The following CEPT1 variants were observed in gnomAD, a reference collection of about 807,000 sequenced individuals.
The protein encoded by CEPT1 is choline/ethanolamine phosphotransferase 1.
Under a neutral mutation model 42.6 loss-of-function variants are expected in CEPT1, and 7 were observed. That is an observed-to-expected ratio of 0.16 (90% CI 0.09 to 0.31). The LOEUF is 0.31. Among genes scored for constraint, CEPT1 ranks in the 10% least tolerant of loss-of-function variants. The pLI is 1.00. For synonymous variants in CEPT1, 171 were observed against 171.9 expected (o/e 0.99, Z 0.04); for missense variants, 306 against 502.1 (o/e 0.61, Z 3.73).
intron 2 of CEPT1, among the ~76,000 whole-genome samples, chr1:111,157,943 T>C (rs1655656498): frequency 6.6e-6 from 1 of 152,226 alleles, no homozygotes. Flanking sequence ...ATAAAAAGTA[T>C]TTTATAGCCT....
rs987574610 is a variant in CEPT1, at chr1:111,184,759, C to T, written c.*449C>T. 1 of 152,108 alleles carries T rather than the reference C, an allele frequency of 6.6e-6. No individual in the cohort carries two copies. The highest frequency in any genetic ancestry group is 2.4e-5 in the African/African-American group (1 of 41,248). 9.4% of individuals were successfully genotyped at this position (152,108 alleles called of 1,614,324 possible). ...AGGAATTCAGCTTGTGACACAGATA[C>T]ATCCCACTAGCTTGTGAGGTGGAAC... On this transcript the variant is annotated 3_prime_UTR_variant, in exon 9 of 9. Coordinates refer to ENST00000357172, the MANE Select transcript of CEPT1 (RefSeq NM_006090.5).
chr1:111,148,203 C>G (rs1256333597), intron 2 of CEPT1, 150 bp downstream of exon 2: 2 of 649,268 alleles, frequency 3.1e-6, no homozygotes, highest in Non-Finnish European at 5.3e-6. Flanking sequence ...CTTGTAAGTA[C>G]AGCCTACACA....
chr1:111,143,437 T>A (rs1654776920), intron 1 of CEPT1: 1 of 152,224 alleles, frequency 6.6e-6, no homozygotes, highest in Non-Finnish European at 1.5e-5. Flanking sequence ...GTAATTTTTT[T>A]ATTTGCTTGT....
chr1:111,182,713 G>C, intron 6 of CEPT1, 86 bp from the exon 7 acceptor site: 1 of 1,268,674 alleles, frequency 7.9e-7, no homozygotes, highest in Non-Finnish European at 1.1e-6. Context: ...GAAAGTTTGA[G>C]TTGAACTGTG....
At chr1:111,160,974 A>T (rs1655841246) in intron 3 of CEPT1, 181 bp from the exon 4 acceptor site, 8 of 569,514 alleles carry the variant, frequency 1.4e-5, no homozygotes, top group East Asian at 3.2e-5. Context: ...AAAAAAAGAG[A>T]GATTGAAATT....
chr1:111,167,505 G>T (rs1201860300), intron 4 of CEPT1: 2 of 875,104 alleles, frequency 2.3e-6, no homozygotes, highest in East Asian at 1.2e-4. Flanking sequence ...CCAGTAAATA[G>T]AATTTTTTTT....
chr1:111,167,195 C>G, intron 4 of CEPT1: 1 of 985,070 alleles, frequency 1.0e-6, no homozygotes, highest in Non-Finnish European at 1.2e-6. Context: ...TTCACGGTAA[C>G]TGCTAGAATA....
chr1:111,161,025 C>T lies in CEPT1; in HGVS notation c.488-130C>T. 3.5e-6 allele frequency: 3 copies of T among 868,014 alleles called. No homozygotes were observed. In the South Asian group the frequency reaches 4.4e-5, roughly 13 times the overall value. 53.8% of individuals were successfully genotyped at this position (868,014 alleles called of 1,614,324 possible). On this transcript the variant is annotated intron_variant, in intron 3 of 8. Coordinates refer to ENST00000357172, the MANE Select transcript of CEPT1 (RefSeq NM_006090.5). ...ATGTAACAGATTATATCCTACTTTT[C>T]TGTTACAATAGATAACTGAGAGAAG...
chr1:111,149,350 C>T (rs565827350), intron 2 of CEPT1, among the ~76,000 whole-genome samples: 12 of 150,132 alleles, frequency 8.0e-5, no homozygotes, highest in South Asian at 2.1e-4. Flanking sequence ...GCAATTTCCA[C>T]CTCCAGGGTT....
intron 1 of CEPT1, among the ~76,000 whole-genome samples, chr1:111,142,222 A>G (rs535456581): frequency 8.5e-5 from 13 of 152,214 alleles, no homozygotes; most frequent in African/African-American, 2.9e-4. Flanking sequence ...TACTTTTTCT[A>G]CCTTTGTTGG....
intron 2 of CEPT1, among the ~76,000 whole-genome samples, chr1:111,151,434 T>C (rs1027515226): frequency 6.6e-6 from 1 of 152,352 alleles, no homozygotes; most frequent in East Asian, 1.9e-4. Context: ...CTTGGTATTA[T>C]ACATTTTAGA....
Position 111,164,722 on chromosome 1 carries a change from C to G in CEPT1, c.629+3426C>G, listed in dbSNP as rs563887201. ...CACTGCAACCTCCGCCTCCCGGGTT[C>G]AAGCAATTCTGCCTCAGCCTCCCGA... On this transcript the variant is annotated intron_variant, in intron 4 of 8. Transcript: ENST00000357172. Among the ~76,000 whole-genome samples the G allele has an allele frequency of 1.6e-4, 24 of 152,090 alleles. No homozygotes were observed. In the East Asian group the frequency reaches 4.3e-3, roughly 27 times the overall value.
At chr1:111,158,699 A>G (rs964761519) in intron 2 of CEPT1, among the ~76,000 whole-genome samples, 2 of 152,138 alleles carry the variant, frequency 1.3e-5, no homozygotes, top group African/African-American at 4.8e-5. Flanking sequence ...TGAGGTTAGC[A>G]TGGAATTTTT....
At position 111,182,403 on chromosome 1, in the gene CEPT1, A is replaced by C. The variant is rs1657036400; in HGVS notation, c.846+85A>C. 2.0e-5 allele frequency: 27 copies of C among 1,375,770 alleles called. No homozygotes were observed. The South Asian group carries it at 2.7e-4, about 14-fold the overall frequency. The allele number at this position is 1,375,770 out of a possible 1,614,324, so 85.2% of individuals were successfully genotyped here. On this transcript the variant is annotated intron_variant, in intron 6 of 8. Transcript: ENST00000357172. Reference sequence around the variant, plus strand: ...TTTGTTTTTTATTTCAAATGTATAAAATCATTTGTTAATTTATAATTTATA... The same window carrying C: ...TTTGTTTTTTATTTCAAATGTATAACATCATTTGTTAATTTATAATTTATA...
intron 2 of CEPT1, among the ~76,000 whole-genome samples, chr1:111,149,091 T>A (rs564795271): frequency 2.0e-5 from 3 of 152,154 alleles, no homozygotes; most frequent in Non-Finnish European, 4.4e-5. Flanking sequence ...TTTGTCTGTT[T>A]CCATAGGTTA....
intron 3 of CEPT1, chr1:111,160,785 C>T (rs1041282508): frequency 8.8e-5 from 16 of 181,804 alleles, no homozygotes; most frequent in African/African-American, 3.3e-4. Context: ...GCAAGTAAGT[C>T]GGTCCGTCTG....
Position 111,147,972 on chromosome 1 carries a change from T to C in CEPT1, c.258T>C (p.Asn86=), listed in dbSNP as rs1655065078. ...GAGTTCCCTCCTGGATTGCCCCAAA[T>C]CTCATCACCATCATTGGACTGTCAA... ...VRRVPSWIAP[N]LITIIGLSIN... is the part of the protein sequence containing the mutation. Residue 86 remains asparagine, a synonymous_variant, in exon 2 of 9, where the codon AAT becomes AAC. Transcript: ENST00000357172. 1.2e-6 allele frequency: 2 copies of C among 1,614,032 alleles called. No homozygotes were observed. The highest frequency in any genetic ancestry group is 2.7e-5 in the African/African-American group (2 of 74,912).
rs1005537053 is a variant in CEPT1, at chr1:111,173,521, C to G, written c.630-1358C>G. 4.6e-5 allele frequency among the ~76,000 whole-genome samples: 7 copies of G among 152,130 alleles called. No homozygotes were observed. In the East Asian group the frequency reaches 1.2e-3, roughly 25 times the overall value. On this transcript the variant is annotated intron_variant, in intron 4 of 8. Coordinates refer to ENST00000357172, the MANE Select transcript of CEPT1 (RefSeq NM_006090.5). ...TATTTTTAGAAATGGAGGCTCTGTT[C>G]TGTTCTGGGAATTGAATCCCTTTGC...
At chr1:111,142,464 A>G (rs1015233839) in intron 1 of CEPT1, among the ~76,000 whole-genome samples, 2 of 152,142 alleles carry the variant, frequency 1.3e-5, no homozygotes, top group African/African-American at 4.8e-5. Flanking sequence ...TAAATACTAG[A>G]CGAATAATAT....
Sources: allele counts gnomAD v4.1 joint callset (sites outside exome capture counted in the v4.1 genomes callset), GRCh38; gene constraint gnomAD v4.1.1; transcripts MANE v1.5; gene names NCBI Gene and HGNC (gene_info 2026-07-23, HGNC 2026-07-21).